The following ABCA1 variants were observed in gnomAD, a reference collection of about 807,000 sequenced individuals.
The protein encoded by ABCA1 is ATP binding cassette subfamily A member 1.
ABCA1 carries 133 observed loss-of-function variants against 262.5 expected under a neutral mutation model. The observed-to-expected ratio is 0.51, with a 90% confidence interval of 0.44 to 0.59. The LOEUF is 0.59. Ranked by LOEUF, ABCA1 falls within the 20% of genes least tolerant of loss-of-function variation. The probability of loss-of-function intolerance (pLI) is 0.00; values close to 1 mark genes in which losing one functional copy is unlikely to be tolerated. For synonymous variants in ABCA1, 1,022 were observed against 1,043.5 expected, an observed-to-expected ratio of 0.98 and a Z score of 0.40; for missense variants, 2,452 against 2,777.5, an observed-to-expected ratio of 0.88 and a Z score of 2.63.
At chr9:104,853,649 T>C (rs183932216) in intron 7 of ABCA1, among the ~76,000 whole-genome samples, 70 of 152,292 alleles carry the variant, frequency 4.6e-4, no homozygotes, top group African/African-American at 1.6e-3. Flanking sequence ...TTTCGATGAA[T>C]GTCTCATACC....
At chr9:104,815,811 C>T (rs993144886) in intron 25 of ABCA1, among the ~76,000 whole-genome samples, 2 of 152,072 alleles carry the variant, frequency 1.3e-5, no homozygotes, top group African/African-American at 2.4e-5. Flanking sequence ...ATCCTGATGC[C>T]GCTGTTCCTC....
At chr9:104,853,921 G>A (rs986052208) in intron 7 of ABCA1, among the ~76,000 whole-genome samples, 1 of 152,192 alleles carries the variant, frequency 6.6e-6, no homozygotes, top group Non-Finnish European at 1.5e-5. Context: ...TGGAGTCTGT[G>A]AATATGCACA....
At chr9:104,809,378 G>T in intron 30 of ABCA1, 88 bp downstream of exon 30, 2 of 1,228,250 alleles carry the variant, frequency 1.6e-6, no homozygotes, top group Non-Finnish European at 2.4e-6. Flanking sequence ...CGGTCACAAT[G>T]TGGCATGCAG....
intron 49 of ABCA1, among the ~76,000 whole-genome samples, 153 bp from the exon 50 acceptor site, chr9:104,784,608 A>T (rs766599337): frequency 6.6e-6 from 1 of 152,188 alleles, no homozygotes; most frequent in Non-Finnish European, 1.5e-5. Context: ...TGAAGGAGGG[A>T]AGAATACTTG....
rs552690589 is a variant in ABCA1 at position 104,845,235 on chromosome 9, CT to C, written c.813+241del. On this transcript the variant is annotated intron_variant, in intron 8 of 49. Transcript: ENST00000374736. ...GCAAAAAGAAAAAATGGAGAAGGTT[CT>C]AAACTAGATATCCAGCTGTTAGCCA... Among the ~76,000 whole-genome samples, 606 of 152,304 alleles carry C rather than the reference CT, an allele frequency of 4.0e-3. 4 individuals carry two copies. Among genetic ancestry groups the C allele is most frequent in the African/African-American group, 0.014 (583 of 41,560 alleles).
At chr9:104,790,714 G>A (rs993896192) in intron 44 of ABCA1, among the ~76,000 whole-genome samples, 15 of 152,174 alleles carry the variant, frequency 9.9e-5, no homozygotes, top group African/African-American at 3.6e-4. Flanking sequence ...GTTAAAAGAA[G>A]AGAATGAGAC....
intron 5 of ABCA1, among the ~76,000 whole-genome samples, chr9:104,875,822 G>C (rs1418064738): frequency 1.3e-5 from 2 of 152,174 alleles, no homozygotes; most frequent in African/African-American, 4.8e-5. Flanking sequence ...TTCTCATGGA[G>C]AGTGCCATTC....
At chr9:104,855,065 A>T in intron 7 of ABCA1, 1 of 744,126 alleles carries the variant, frequency 1.3e-6, no homozygotes, top group Non-Finnish European at 1.6e-6. Context: ...ACGGACTGAG[A>T]CATAAATAAG....
At chr9:104,920,858 A>G (rs1040974398) in intron 1 of ABCA1, among the ~76,000 whole-genome samples, 2 of 152,202 alleles carry the variant, frequency 1.3e-5, no homozygotes, top group Admixed American at 1.3e-4. Flanking sequence ...AATAAATTTC[A>G]CTATAGGCCA....
chr9:104,819,870 A>G (rs760089000), intron 21 of ABCA1, 57 bp downstream of exon 21: 19 of 1,609,002 alleles, frequency 1.2e-5, no homozygotes, highest in Admixed American at 1.0e-4. Flanking sequence ...TTTCCTCCGC[A>G]TGTGTGTAGC....
intron 5 of ABCA1, among the ~76,000 whole-genome samples, chr9:104,876,723 G>A (rs1241608002): frequency 6.6e-6 from 1 of 152,164 alleles, no homozygotes; most frequent in African/African-American, 2.4e-5. Context: ...CCTTAGCTTG[G>A]GCCAGTCTGC....
rs200751699 is a variant in ABCA1, at chr9:104,818,855, G to A, written c.3270C>T (p.His1090=). 32 of 1,613,850 alleles carry A rather than the reference G, an allele frequency of 2.0e-5. No homozygotes were observed. The East Asian group carries it at 6.9e-4, about 35-fold the overall frequency. The change falls in exon 23 of 50, where the codon CAC becomes CAT. Residue 1090 remains histidine, a synonymous_variant. Coordinates refer to ENST00000374736, the MANE Select transcript of ABCA1 (RefSeq NM_005502.4). ...QGRTIILSTH[H]MDEADVLGDR... is the part of the protein sequence containing the mutation. The stretch of plus-strand genomic sequence containing the variant: ...CCCCCAGGACGTCCGCTTCATCCAT[G>A]TGGTGTGTAGAGAGAATAATGGTGC...
chr9:104,807,735 C>T (rs1830894067), intron 30 of ABCA1, among the ~76,000 whole-genome samples: 1 of 151,414 alleles, frequency 6.6e-6, no homozygotes, highest in Non-Finnish European at 1.5e-5. Context: ...ATCACTTGAA[C>T]CTGGGAGGCA....
At chr9:104,893,825 T>C (rs1445060856) in intron 2 of ABCA1, among the ~76,000 whole-genome samples, 3 of 152,112 alleles carry the variant, frequency 2.0e-5, no homozygotes, top group Non-Finnish European at 4.4e-5. Flanking sequence ...AGGTAGGAAA[T>C]GGCCCCACTA....
intron 1 of ABCA1, among the ~76,000 whole-genome samples, chr9:104,925,431 G>A (rs1461875782): frequency 6.6e-6 from 1 of 151,562 alleles, no homozygotes; most frequent in Non-Finnish European, 1.5e-5. Context: ...GTAGAAATAC[G>A]AGGGTTGAGA....
chr9:104,825,264 G>A (rs533425907), intron 17 of ABCA1, among the ~76,000 whole-genome samples: 1 of 152,290 alleles, frequency 6.6e-6, no homozygotes, highest in South Asian at 2.1e-4. Flanking sequence ...GCATTGGGAG[G>A]ATTCGCCTGG....
intron 6 of ABCA1, among the ~76,000 whole-genome samples, chr9:104,860,959 T>C (rs1836326219): frequency 6.6e-6 from 1 of 152,090 alleles, no homozygotes; most frequent in Non-Finnish European, 1.5e-5. Context: ...CTTTGCCATG[T>C]TGGCCAGGAT....
intron 46 of ABCA1, among the ~76,000 whole-genome samples, chr9:104,787,485 TATCTACAGAA>T (rs1829030603): frequency 6.6e-6 from 1 of 152,182 alleles, no homozygotes; most frequent in South Asian, 2.1e-4. Flanking sequence ...TCAATGCTCT[TATCTACAGAA>T]GAAAAAAGGT....
chr9:104,822,351 T>C (rs1832438774), intron 19 of ABCA1, 145 bp downstream of exon 19: 1 of 1,097,682 alleles, frequency 9.1e-7, no homozygotes, highest in African/African-American at 1.5e-5. Context: ...CACTCATGAT[T>C]AGATAACATG....
Sources: allele counts gnomAD v4.1 joint callset (sites outside exome capture counted in the v4.1 genomes callset), GRCh38; gene constraint gnomAD v4.1.1; transcripts MANE v1.5; gene names NCBI Gene and HGNC (gene_info 2026-07-23, HGNC 2026-07-21).